Variants in DYM observed in about 807,000 individuals in gnomAD.
The protein encoded by DYM is dyggve-Melchior-Clausen syndrome protein.
DYM carries 78 observed loss-of-function variants against 93.1 expected under a neutral mutation model. The ratio of observed to expected loss-of-function variants is 0.84; its 90% CI spans 0.70 to 1.01. The LOEUF is 1.01. DYM is among the 50% of genes least tolerant of loss of function. The probability of loss-of-function intolerance (pLI) is 0.00; values close to 1 mark genes in which losing one functional copy is unlikely to be tolerated. For synonymous variants in DYM, 321 were observed against 319.7 expected (o/e 1.00, Z -0.04); for missense variants, 789 against 845.0 (o/e 0.93, Z 0.82).
chr18:49,118,988 G>A (rs1035816679), intron 15 of DYM, 62 bp from the exon 16 acceptor site: 26 of 1,374,646 alleles, frequency 1.9e-5, no homozygotes, highest in Non-Finnish European at 2.6e-5. Context: ...CAGAATTAAT[G>A]AAAATAAGAG....
chr18:49,320,501 G>C (rs2062384692), intron 8 of DYM, among the ~76,000 whole-genome samples: 1 of 152,110 alleles, frequency 6.6e-6, no homozygotes, highest in Non-Finnish European at 1.5e-5. Context: ...TCAAGACAGA[G>C]TCTCGCGCTG....
intron 8 of DYM, among the ~76,000 whole-genome samples, chr18:49,323,957 G>A (rs768719212): frequency 9.2e-5 from 14 of 151,976 alleles, no homozygotes; most frequent in Non-Finnish European, 1.5e-4. Context: ...GGCCAACATG[G>A]TGAAATCATG....
rs1471035506 is a variant in DYM, at chr18:49,333,636, G to A, written c.620+92C>T. ...AACAACTAGAGGAAATACCTGGTTG[G>A]AGATATGGGACGATACTCAGGTAAA... On this transcript the variant is annotated intron_variant, in intron 7 of 17. Coordinates refer to ENST00000675505, the MANE Select transcript of DYM (RefSeq NM_001353214.3). 3.0e-6 allele frequency: 4 copies of A among 1,339,712 alleles called. No homozygotes were observed. In the African/African-American group the frequency reaches 4.3e-5, roughly 14 times the overall value. 83.0% of individuals were successfully genotyped at this position (1,339,712 alleles called of 1,614,324 possible). A position where few individuals can be genotyped will look rare whatever the true frequency, so the allele number is the denominator to read the frequency against.
intron 3 of DYM, among the ~76,000 whole-genome samples, chr18:49,388,840 C>T (rs756590780): frequency 6.7e-6 from 1 of 149,442 alleles, no homozygotes; most frequent in African/African-American, 2.5e-5. Flanking sequence ...AATAAATTAA[C>T]GTCTATCTAA....
intron 17 of DYM, among the ~76,000 whole-genome samples, chr18:49,096,120 C>A (rs1273966666): frequency 6.6e-6 from 1 of 152,156 alleles, no homozygotes; most frequent in African/African-American, 2.4e-5. Context: ...AATATGAATT[C>A]TCTATATTTA....
intron 1 of DYM, among the ~76,000 whole-genome samples, chr18:49,451,565 C>G (rs559648564): frequency 7.9e-5 from 12 of 152,332 alleles, no homozygotes; most frequent in African/African-American, 2.6e-4. Flanking sequence ...TTTGAAGATA[C>G]AAACCCATGC....
chr18:49,062,606 C>A (rs1218761269), intron 17 of DYM, among the ~76,000 whole-genome samples: 1 of 152,244 alleles, frequency 6.6e-6, no homozygotes, highest in Non-Finnish European at 1.5e-5. Context: ...GTGCCCAGCC[C>A]TGACTGCCAT....
chr18:49,247,017 C>T (rs569422908), intron 13 of DYM, among the ~76,000 whole-genome samples: 1 of 152,312 alleles, frequency 6.6e-6, no homozygotes, highest in African/African-American at 2.4e-5. Context: ...GCTATCTCTG[C>T]GTGGATGCTT....
chr18:49,244,156 C>T (rs2094108908), intron 13 of DYM, among the ~76,000 whole-genome samples: 1 of 152,174 alleles, frequency 6.6e-6, no homozygotes, highest in Non-Finnish European at 1.5e-5. Flanking sequence ...CAACTAACTT[C>T]TCTCCTACTC....
chr18:49,299,777 C>T (rs1031922438), intron 8 of DYM, among the ~76,000 whole-genome samples: 4 of 152,018 alleles, frequency 2.6e-5, no homozygotes, highest in Non-Finnish European at 5.9e-5. Flanking sequence ...GACACGGTGG[C>T]TCACGCCTGT....
intron 14 of DYM, among the ~76,000 whole-genome samples, chr18:49,165,817 A>T (rs1851491314): frequency 6.6e-6 from 1 of 152,166 alleles, no homozygotes; most frequent in Admixed American, 6.5e-5. Context: ...GAAATGAAAT[A>T]CTCCAGTGAA....
intron 15 of DYM, among the ~76,000 whole-genome samples, chr18:49,158,890 TAACTA>T (rs1243189456): frequency 6.6e-6 from 1 of 152,090 alleles, no homozygotes; most frequent in African/African-American, 2.4e-5. Flanking sequence ...CATTTTGAAA[TAACTA>T]AAAGAGCATA....
chr18:49,142,833 T>C (rs1423756564), intron 15 of DYM, among the ~76,000 whole-genome samples: 5 of 152,116 alleles, frequency 3.3e-5, no homozygotes, highest in Non-Finnish European at 7.4e-5. Context: ...ATCCCCCTAA[T>C]AGGAAAGATG....
intron 2 of DYM, among the ~76,000 whole-genome samples, chr18:49,402,573 TA>T (rs1446068942): frequency 6.6e-6 from 1 of 152,346 alleles, no homozygotes; most frequent in East Asian, 1.9e-4. Context: ...TAACTGTTAC[TA>T]AATCACAACA....
chr18:49,249,239 A>T (rs574358270), intron 13 of DYM, among the ~76,000 whole-genome samples: 12 of 152,338 alleles, frequency 7.9e-5, no homozygotes, highest in African/African-American at 2.6e-4. Context: ...ACTAGCCTTA[A>T]ATGTAACACA....
chr18:49,421,321 G>A (rs2073682222), intron 2 of DYM, among the ~76,000 whole-genome samples: 1 of 152,160 alleles, frequency 6.6e-6, no homozygotes, highest in South Asian at 2.1e-4. Flanking sequence ...CAATCAGGCA[G>A]CAACATTTGC....
chr18:49,446,868 G>A (rs1463636918), intron 1 of DYM, among the ~76,000 whole-genome samples: 1 of 152,064 alleles, frequency 6.6e-6, no homozygotes, highest in Non-Finnish European at 1.5e-5. Context: ...AGACCAACCT[G>A]GCCAACACGG....
chr18:49,155,616 T>C (rs2086317729), intron 15 of DYM, among the ~76,000 whole-genome samples: 2 of 152,240 alleles, frequency 1.3e-5, no homozygotes, highest in South Asian at 2.1e-4. Flanking sequence ...GGACATTCCA[T>C]ATACATGAGA....
chr18:49,275,743 A>G (rs2094834096), intron 10 of DYM, among the ~76,000 whole-genome samples: 1 of 152,064 alleles, frequency 6.6e-6, no homozygotes, highest in African/African-American at 2.4e-5. Flanking sequence ...CAATCAATGA[A>G]TATGTGTTTC....
Sources: gnomAD v4.1 joint callset for allele counts (sites outside exome capture counted in the v4.1 genomes callset) on GRCh38, gnomAD v4.1.1 for gene constraint, MANE v1.5 for transcripts, NCBI Gene and HGNC (gene_info 2026-07-23, HGNC 2026-07-21) for gene names.